MECOM: variants seen among roughly 807,000 people sequenced by gnomAD.
MECOM encodes MDS1 and EVI1 complex locus.
A neutral mutation model predicts 116.3 loss-of-function variants in MECOM; 13 were observed. The observed-to-expected ratio is 0.11, with a 90% CI of 0.07 to 0.18. The LOEUF (loss-of-function observed/expected upper bound fraction) is 0.18. MECOM is among the 10% of genes least tolerant of loss of function. The probability of loss-of-function intolerance (pLI) is 1.00; values close to 1 mark genes in which losing one functional copy is unlikely to be tolerated. For synonymous variants in MECOM, 528 were observed against 535.2 expected, an observed-to-expected ratio of 0.99 and a Z score of 0.19; for missense variants, 1,299 against 1,509.0, an observed-to-expected ratio of 0.86 and a Z score of 2.31.
In MECOM at chr3:169,663,689, T is replaced by G; in HGVS notation, c.-317A>C. The G allele has an allele frequency of 8.5e-6, 3 of 351,128 alleles. No individual in the cohort carries two copies. Among genetic ancestry groups the G allele is most frequent in the Non-Finnish European group, 5.1e-6 (1 of 196,296 alleles). The allele number at this position is 351,128 out of a possible 1,614,324, so 21.8% of individuals were successfully genotyped here. On this transcript the variant is annotated 5_prime_UTR_variant, in exon 1 of 17. Transcript: ENST00000651503. ...TTTGGACACCTTCGCACATGCGCGC[T>G]AGACGCCCCTCCAACATCTCAGCGC... is the stretch of plus-strand genomic sequence containing the variant.
chr3:169,227,067 C>G (rs1467919559), intron 2 of MECOM, among the ~76,000 whole-genome samples: 1 of 152,058 alleles, frequency 6.6e-6, no homozygotes, highest in Non-Finnish European at 1.5e-5. Flanking sequence ...AAAAAGGAAT[C>G]TTCGGGCAAT....
intron 1 of MECOM, among the ~76,000 whole-genome samples, chr3:169,518,165 A>T (rs1756897646): frequency 6.6e-6 from 1 of 152,076 alleles, no homozygotes; most frequent in African/African-American, 2.4e-5. Flanking sequence ...AGGCTGAGGC[A>T]GGAGAATGGT....
chr3:169,111,146 C>A (rs978031176), intron 9 of MECOM, among the ~76,000 whole-genome samples: 1 of 152,030 alleles, frequency 6.6e-6, no homozygotes, highest in Non-Finnish European at 1.5e-5. Flanking sequence ...ACCTTACACC[C>A]GACTCTCTCA....
At chr3:169,608,230 C>T (rs1164883162) in intron 1 of MECOM, among the ~76,000 whole-genome samples, 2 of 152,174 alleles carry the variant, frequency 1.3e-5, no homozygotes, top group Non-Finnish European at 2.9e-5. Flanking sequence ...ACAGGTGTGA[C>T]GTGTTTGATC....
At chr3:169,360,530 G>A (rs1227887678) in intron 2 of MECOM, among the ~76,000 whole-genome samples, 1 of 151,484 alleles carries the variant, frequency 6.6e-6, no homozygotes, top group Non-Finnish European at 1.5e-5. Flanking sequence ...AAAAATTTAA[G>A]AATAAACAAA....
chr3:169,149,579 G>A, intron 2 of MECOM: 1 of 396,090 alleles, frequency 2.5e-6, no homozygotes, highest in Non-Finnish European at 5.2e-6. Context: ...CGGCAACACA[G>A]CTCTGCCTTC....
At chr3:169,307,772 C>A (rs1717985002) in intron 2 of MECOM, among the ~76,000 whole-genome samples, 1 of 152,116 alleles carries the variant, frequency 6.6e-6, no homozygotes, top group Non-Finnish European at 1.5e-5. Flanking sequence ...TACCTAGTTC[C>A]CTCCCACTCC....
intron 2 of MECOM, among the ~76,000 whole-genome samples, chr3:169,168,336 G>GTTTTTTTTT (rs1202218147): frequency 8.1e-6 from 1 of 123,968 alleles, no homozygotes; most frequent in Non-Finnish European, 1.8e-5. Context: ...CACTTGGCCT[G>GTTTTTTTTT]CTTTTTTTTT....
intron 2 of MECOM, among the ~76,000 whole-genome samples, chr3:169,160,025 C>T (rs1742610814): frequency 6.6e-6 from 1 of 152,134 alleles, no homozygotes; most frequent in South Asian, 2.1e-4. Flanking sequence ...ACTTCCTATG[C>T]AAATGCCCTC....
At chr3:169,504,191 G>GTGTGTGTT (rs1249635619) in intron 1 of MECOM, among the ~76,000 whole-genome samples, 21 of 145,004 alleles carry the variant, frequency 1.4e-4, no homozygotes, top group East Asian at 9.8e-4. Flanking sequence ...GTGTGTGTGT[G>GTGTGTGTT]TTTAAATTAA....
chr3:169,444,421 G>C (rs907103939), intron 1 of MECOM, among the ~76,000 whole-genome samples: 1 of 152,052 alleles, frequency 6.6e-6, no homozygotes, highest in Non-Finnish European at 1.5e-5. Flanking sequence ...GGTCCTTCCC[G>C]TGTTATTCTC....
chr3:169,411,660 G>T (rs1401898873), intron 1 of MECOM, among the ~76,000 whole-genome samples: 1 of 152,172 alleles, frequency 6.6e-6, no homozygotes, highest in East Asian at 1.9e-4. Flanking sequence ...AAGTTGCAAG[G>T]CCAGGTGCCA....
chr3:169,137,923 G>A (rs978159098), intron 3 of MECOM, among the ~76,000 whole-genome samples: 2 of 152,022 alleles, frequency 1.3e-5, no homozygotes, highest in African/African-American at 4.8e-5. Context: ...TCTATCTACA[G>A]ACCCCCCAAA....
At chr3:169,397,661 A>G (rs1225116282) in intron 1 of MECOM, among the ~76,000 whole-genome samples, 2 of 152,208 alleles carry the variant, frequency 1.3e-5, no homozygotes, top group Admixed American at 1.3e-4. Context: ...AGATATTCCC[A>G]GAGTGTGTAT....
At chr3:169,198,697 T>G (rs1748763947) in intron 2 of MECOM, among the ~76,000 whole-genome samples, 1 of 152,032 alleles carries the variant, frequency 6.6e-6, no homozygotes, top group Non-Finnish European at 1.5e-5. Flanking sequence ...CCATAAAATT[T>G]TTAGTTCAAG....
intron 1 of MECOM, among the ~76,000 whole-genome samples, chr3:169,571,481 G>GA (rs1242284680): frequency 6.6e-6 from 1 of 152,048 alleles, no homozygotes; most frequent in Non-Finnish European, 1.5e-5. Flanking sequence ...CACAGAATAA[G>GA]AAAAAACTAC....
In MECOM at chr3:169,251,021, G is replaced by A. The variant is rs569911270; in HGVS notation, c.376-107189C>T. On this transcript the variant is annotated intron_variant, in intron 2 of 16. Transcript: ENST00000651503. ...CATAACTAATAAACACTGAAGCACCGATGGCAGTGTCTGAATTTTCTTCAT... is the reference window on the plus strand; with the variant it reads ...CATAACTAATAAACACTGAAGCACCAATGGCAGTGTCTGAATTTTCTTCAT... 8.5e-5 allele frequency among the ~76,000 whole-genome samples: 13 copies of A among 152,292 alleles called. No individual in the cohort carries two copies. The South Asian group carries it at 1.7e-3, about 19-fold the overall frequency.
rs1037219720 is a variant in MECOM, at chr3:169,177,762, C to CA, written c.376-33931dup. Among the ~76,000 whole-genome samples the CA allele has an allele frequency of 4.2e-4, 63 of 151,474 alleles. 1 individual carries two copies. Among genetic ancestry groups the CA allele is most frequent in the African/African-American group, 1.3e-3 (52 of 41,336 alleles). On this transcript the variant is annotated intron_variant, in intron 2 of 16. Transcript: ENST00000651503. ...TGAAATACTGTCTCTACTAAAAATA[C>CA]AAAAAAATAGCTGGGCATGTTGGCA...
At chr3:169,190,423 T>C (rs1383710727) in intron 2 of MECOM, among the ~76,000 whole-genome samples, 2 of 152,028 alleles carry the variant, frequency 1.3e-5, no homozygotes, top group South Asian at 2.1e-4. Context: ...CTATATCAGA[T>C]GATAAAGGAA....
Sources: gnomAD v4.1 joint callset for allele counts (sites outside exome capture counted in the v4.1 genomes callset) on GRCh38, gnomAD v4.1.1 for gene constraint, MANE v1.5 for transcripts, NCBI Gene and HGNC (gene_info 2026-07-23, HGNC 2026-07-21) for gene names.